The following FER1L5 variants were observed in gnomAD, a reference collection of about 807,000 sequenced individuals.
FER1L5 encodes the protein fer-1 like family member 5.
A neutral mutation model predicts 279.9 loss-of-function variants in FER1L5; 187 were observed. The ratio of observed to expected loss-of-function variants is 0.67; its 90% CI spans 0.59 to 0.75. The LOEUF (loss-of-function observed/expected upper bound fraction) is 0.75, where lower values mean the gene tolerates loss of function less well. Ranked by LOEUF, FER1L5 falls within the 30% of genes least tolerant of loss-of-function variation. The pLI, the probability that FER1L5 is intolerant of heterozygous loss-of-function variation, is 0.00. For missense variants in FER1L5, 2,091 were observed against 2,594.4 expected, an observed-to-expected ratio of 0.81 and a Z score of 4.21; for synonymous variants, 921 against 989.7, an observed-to-expected ratio of 0.93 and a Z score of 1.30.
intron 37 of FER1L5, among the ~76,000 whole-genome samples, chr2:96,696,693 G>A (rs984106465): frequency 4.0e-5 from 6 of 151,850 alleles, no homozygotes; most frequent in African/African-American, 1.5e-4. Context: ...TTAAGGTCAC[G>A]AGTTCAAGAC....
At position 96,703,512 on chromosome 2, in the gene FER1L5, G is replaced by A. The variant is rs369478609; in HGVS notation, c.5692-11G>A. 1.2e-6 allele frequency: 2 copies of A among 1,613,688 alleles called. No homozygotes were observed. The highest frequency in any genetic ancestry group is 2.7e-5 in the African/African-American group (2 of 74,912). On this transcript the variant is annotated splice_polypyrimidine_tract_variant and intron_variant, in intron 50 of 52. Coordinates refer to ENST00000624922, the MANE Select transcript of FER1L5 (RefSeq NM_001293083.2). ...TGCACTCAGCCTCCCCCTCACCCAT[G>A]GTGTTCCTAGGGCAAGGTGAAGATG...
chr2:96,699,048 G>T lies in FER1L5; in HGVS notation c.4522G>T (p.Asp1508Tyr). The change falls in exon 42 of 53, where the codon GAC (aspartate) becomes TAC (tyrosine). Residue 1508 changes from aspartate to tyrosine, a missense_variant. Transcript: ENST00000624922. The part of the protein sequence containing the change: ...LQPQDYNGLC[D>Y]PYVILKLGKT... ...CCCCACTTGTATCTGACCCCAGTGT[G>T]ACCCTTATGTGATCCTGAAACTGGG... The T allele has an allele frequency of 6.2e-7, 1 of 1,608,982 alleles. No individual in the cohort carries two copies. Among genetic ancestry groups the T allele is most frequent in the South Asian group, 1.1e-5 (1 of 89,960 alleles).
chr2:96,687,331 A>G (rs888138180), intron 23 of FER1L5, among the ~76,000 whole-genome samples: 3 of 152,212 alleles, frequency 2.0e-5, no homozygotes, highest in Non-Finnish European at 4.4e-5. Context: ...TGACCACCAG[A>G]GTCCTTCGCA....
At chr2:96,659,320 TC>T (rs1230117071) in intron 9 of FER1L5, among the ~76,000 whole-genome samples, 2 of 62,860 alleles carry the variant, frequency 3.2e-5, no homozygotes, top group Non-Finnish European at 6.0e-5. Context: ...CTTCCTTCCT[TC>T]CTTCCTTCCT....
intron 19 of FER1L5, among the ~76,000 whole-genome samples, chr2:96,675,688 A>G (rs2076486587): frequency 6.6e-6 from 1 of 152,190 alleles, no homozygotes; most frequent in South Asian, 2.1e-4. Context: ...TGGCCTCCCA[A>G]AGTGCTAGGA....
At position 96,690,133 on chromosome 2, in the gene FER1L5, A is replaced by G. The variant is rs560978997; in HGVS notation, c.2641-354A>G. Among the ~76,000 whole-genome samples, 79 of 152,270 alleles carry G rather than the reference A, an allele frequency of 5.2e-4. 1 individual carries two copies. Among genetic ancestry groups the G allele is most frequent in the Admixed American group, 5.0e-3 (76 of 15,294 alleles). On this transcript the variant is annotated intron_variant, in intron 26 of 52. Transcript: ENST00000624922. ...GCACGTGTGGCTATTGAGTGCTTAA[A>G]ATGGGGCACTAGTGAGATGAAGGAA... is the stretch of plus-strand genomic sequence containing the variant.
rs1392106733 is a variant in FER1L5, at chr2:96,697,716, G to A, written c.4191G>A (p.Glu1397=). Reference sequence around the variant, plus strand: ...GCAAGCTGTTCTGGGCCACAGATGAGCACAAGTCCCTGAAGTACAAGTACA... The same window carrying A: ...GCAAGCTGTTCTGGGCCACAGATGAACACAAGTCCCTGAAGTACAAGTACA... ...WWSKLFWATD[E]HKSLKYKYKD... is the part of the protein sequence containing the mutation. The change falls in exon 39 of 53, where the codon GAG becomes GAA. Residue 1397 remains glutamate, a synonymous_variant. Transcript: ENST00000624922. 2 of 1,613,930 alleles carry A rather than the reference G, an allele frequency of 1.2e-6. No individual in the cohort carries two copies. Among genetic ancestry groups the A allele is most frequent in the Non-Finnish European group, 8.5e-7 (1 of 1,179,914 alleles).
intron 23 of FER1L5, 126 bp downstream of exon 23, chr2:96,686,476 T>TAAG: frequency 1.8e-6 from 2 of 1,108,854 alleles, no homozygotes; most frequent in Non-Finnish European, 2.5e-6. Context: ...GGAATGGGGT[T>TAAG]GAAACAGTCC....
chr2:96,683,812 A>G (rs577037819), intron 19 of FER1L5, among the ~76,000 whole-genome samples: 13 of 152,370 alleles, frequency 8.5e-5, no homozygotes, highest in Non-Finnish European at 1.3e-4. Context: ...ACTCGGCAGC[A>G]GTGCGGTTCA....
chr2:96,686,730 T>C (rs1019260058), intron 23 of FER1L5, among the ~76,000 whole-genome samples: 1 of 151,890 alleles, frequency 6.6e-6, no homozygotes, highest in African/African-American at 2.4e-5. Flanking sequence ...TGGTGGCGCA[T>C]GCTTGTAATC....
chr2:96,702,890 T>C lies in FER1L5; in HGVS notation c.5398-88T>C, dbSNP rs930653584. On this transcript the variant is annotated intron_variant, in intron 48 of 52. Coordinates refer to ENST00000624922, the MANE Select transcript of FER1L5 (RefSeq NM_001293083.2). This position sits in a 1 kb window ranked among gnomAD's most constrained non-coding sequence, Gnocchi z 4.0. ...GTGGAAACCCTCTTCCTTGATAGTC[T>C]ATCACTGCTGGGTGGAGGGCCACTG... 1.3e-6 allele frequency: 2 copies of C among 1,533,190 alleles called. No individual in the cohort carries two copies. Among genetic ancestry groups the C allele is most frequent in the African/African-American group, 2.7e-5 (2 of 72,780 alleles). The allele number at this position is 1,533,190 out of a possible 1,614,324, so 95.0% of individuals were successfully genotyped here.
At chr2:96,690,833 A>G (rs1427562386) in intron 27 of FER1L5, among the ~76,000 whole-genome samples, 1 of 152,226 alleles carries the variant, frequency 6.6e-6, no homozygotes, top group Admixed American at 6.5e-5. Flanking sequence ...GCTGGTGAAC[A>G]GGAGGCTATC....
Position 96,661,966 on chromosome 2 carries a change from C to G in FER1L5, c.1018+175C>G, listed in dbSNP as rs1195102781. 2.0e-5 allele frequency among the ~76,000 whole-genome samples: 3 copies of G among 152,082 alleles called. No homozygotes were observed. The East Asian group carries it at 5.8e-4, about 29-fold the overall frequency. ...TGTCCTGTGGAGGTGCCATGGACAC[C>G]CTTTCAAACGGGTCTCACACCCCCA... is the stretch of plus-strand genomic sequence containing the variant. On this transcript the variant is annotated intron_variant, in intron 12 of 52. Coordinates refer to ENST00000624922, the MANE Select transcript of FER1L5 (RefSeq NM_001293083.2).
At position 96,697,513 on chromosome 2, in the gene FER1L5, T is replaced by G; in HGVS notation, c.4084-13T>G. 1 of 1,612,396 alleles carries G rather than the reference T, an allele frequency of 6.2e-7. No individual in the cohort carries two copies. Among genetic ancestry groups the G allele is most frequent in the Non-Finnish European group, 8.5e-7 (1 of 1,179,292 alleles). ...AGCTATGGCTTTCCCTTGCTCACCC[T>G]CTCCTTTTTCAGTTCCTAGGCTACC... On this transcript the variant is annotated splice_polypyrimidine_tract_variant and intron_variant, in intron 37 of 52. Coordinates refer to ENST00000624922, the MANE Select transcript of FER1L5 (RefSeq NM_001293083.2).
At chr2:96,661,504 C>A in intron 11 of FER1L5, 64 bp downstream of exon 11, 1 of 1,511,506 alleles carries the variant, frequency 6.6e-7, no homozygotes, top group Non-Finnish European at 9.0e-7. Context: ...ACCCCTGGGC[C>A]TCACCCTGGA....
Position 96,704,452 on chromosome 2 carries a change from T to C in FER1L5, c.5950-16T>C, listed in dbSNP as rs368003171. 5.9e-5 allele frequency: 96 copies of C among 1,613,596 alleles called. No homozygotes were observed. Among genetic ancestry groups the C allele is most frequent in the Non-Finnish European group, 7.8e-5 (92 of 1,179,630 alleles). Reference sequence around the variant, plus strand: ...CAGCTTGCCACCCCAGGCTAACTGTTGTCTGTTCTCTCTAGCACTATTTGG... The same window carrying C: ...CAGCTTGCCACCCCAGGCTAACTGTCGTCTGTTCTCTCTAGCACTATTTGG... On this transcript the variant is annotated splice_polypyrimidine_tract_variant and intron_variant, in intron 52 of 52. Coordinates refer to ENST00000624922, the MANE Select transcript of FER1L5 (RefSeq NM_001293083.2).
chr2:96,663,916 G>T (rs1432798711), intron 14 of FER1L5, among the ~76,000 whole-genome samples: 2 of 151,956 alleles, frequency 1.3e-5, no homozygotes, highest in Non-Finnish European at 2.9e-5. Flanking sequence ...GGTGACATGC[G>T]CCTGTAGTTC....
At chr2:96,700,255 G>A in intron 44 of FER1L5, 77 bp from the exon 45 acceptor site, 1 of 1,595,016 alleles carries the variant, frequency 6.3e-7, no homozygotes, top group Non-Finnish European at 8.5e-7. Context: ...GCTGCGGTCG[G>A]GAGGGTAAGA....
intron 51 of FER1L5, among the ~76,000 whole-genome samples, chr2:96,703,988 G>C (rs372836528): frequency 6.6e-6 from 1 of 151,928 alleles, no homozygotes; most frequent in African/African-American, 2.4e-5. Context: ...GCTAATTTTT[G>C]TATTTTTAGT....
Sources: gnomAD v4.1 joint callset for allele counts (sites outside exome capture counted in the v4.1 genomes callset) on GRCh38, gnomAD v4.1.1 for gene constraint, Gnocchi (gnomAD v3.1) non-coding constraint, MANE v1.5 for transcripts, NCBI Gene and HGNC (gene_info 2026-07-23, HGNC 2026-07-21) for gene names.